Variants in ZNF385B observed in about 807,000 individuals in gnomAD.
ZNF385B encodes the protein zinc finger protein 533.
In ZNF385B, 23 loss-of-function variants were observed where a neutral mutation model predicts 39.2. The observed-to-expected ratio is 0.59, with a 90% confidence interval of 0.42 to 0.83. ZNF385B has a LOEUF of 0.83. Ranked by LOEUF, ZNF385B falls within the 40% of genes least tolerant of loss-of-function variation. The pLI, the probability that ZNF385B is intolerant of heterozygous loss-of-function variation, is 0.00. For synonymous variants in ZNF385B, 205 were observed against 222.6 expected (o/e 0.92, Z 0.70); for missense variants, 552 against 598.9 (o/e 0.92, Z 0.82).
chr2:179,541,133 T>A (rs1354822123), intron 4 of ZNF385B, among the ~76,000 whole-genome samples: 2 of 152,224 alleles, frequency 1.3e-5, no homozygotes, highest in East Asian at 1.9e-4. Flanking sequence ...TACTCCATCA[T>A]AAATCATCAA....
chr2:179,846,980 A>G (rs1268373352), intron 1 of ZNF385B, among the ~76,000 whole-genome samples: 11 of 152,372 alleles, frequency 7.2e-5, no homozygotes, highest in South Asian at 6.2e-4. Context: ...GCTCTTACCA[A>G]ATTCAAAGAG....
At chr2:179,486,282 T>C (rs1259009753) in intron 5 of ZNF385B, among the ~76,000 whole-genome samples, 2 of 152,204 alleles carry the variant, frequency 1.3e-5, no homozygotes, top group African/African-American at 4.8e-5. Flanking sequence ...ATAGGCATTA[T>C]TGGCCAGCAC....
chr2:179,644,154 A>T (rs1197527844), intron 3 of ZNF385B, among the ~76,000 whole-genome samples: 2 of 152,108 alleles, frequency 1.3e-5, no homozygotes, highest in African/African-American at 4.8e-5. Flanking sequence ...GCTTCTAACT[A>T]CTATATAGGA....
At chr2:179,857,416 TGCTGGAGCAAAA>T (rs1684690831) in intron 1 of ZNF385B, among the ~76,000 whole-genome samples, 1 of 152,220 alleles carries the variant, frequency 6.6e-6, no homozygotes, top group Non-Finnish European at 1.5e-5. Flanking sequence ...TAACAGAGTT[TGCTGGAGCAAAA>T]GCTGGAGTGC....
intron 3 of ZNF385B, among the ~76,000 whole-genome samples, chr2:179,563,886 C>A (rs1241282560): frequency 6.6e-6 from 1 of 152,092 alleles, no homozygotes; most frequent in African/African-American, 2.4e-5. Flanking sequence ...AAATATTTTT[C>A]TTTCATGAAG....
chr2:179,508,336 T>C (rs935434372), intron 5 of ZNF385B, among the ~76,000 whole-genome samples: 1 of 152,316 alleles, frequency 6.6e-6, no homozygotes, highest in East Asian at 1.9e-4. Context: ...AAACCACAAA[T>C]ATATAATGAA....
At chr2:179,706,492 G>A (rs992714177) in intron 3 of ZNF385B, among the ~76,000 whole-genome samples, 5 of 152,206 alleles carry the variant, frequency 3.3e-5, no homozygotes, top group East Asian at 1.9e-4. Context: ...TGGGATTGGG[G>A]AAGGGGAAAT....
intron 4 of ZNF385B, among the ~76,000 whole-genome samples, chr2:179,534,293 T>TA (rs1351636124): frequency 3.3e-5 from 5 of 152,244 alleles, no homozygotes; most frequent in Middle Eastern, 3.4e-3. Context: ...TTATTTGAGG[T>TA]AATTAGGAAA....
At chr2:179,630,088 A>T (rs1053430956) in intron 3 of ZNF385B, among the ~76,000 whole-genome samples, 3 of 152,270 alleles carry the variant, frequency 2.0e-5, no homozygotes, top group African/African-American at 7.2e-5. Context: ...CGGGCAGGGC[A>T]TGGCTGAACA....
chr2:179,811,388 A>G (rs1169615136), intron 1 of ZNF385B, among the ~76,000 whole-genome samples: 1 of 152,190 alleles, frequency 6.6e-6, no homozygotes, highest in African/African-American at 2.4e-5. Context: ...TAGATATTGC[A>G]TTACCTGACT....
chr2:179,710,688 C>T (rs1699936721), intron 3 of ZNF385B, among the ~76,000 whole-genome samples: 1 of 152,178 alleles, frequency 6.6e-6, no homozygotes, highest in Admixed American at 6.5e-5. Context: ...ATGGCCATGA[C>T]TTGCCCTTTC....
intron 3 of ZNF385B, among the ~76,000 whole-genome samples, chr2:179,685,701 A>AAT (rs1697870893): frequency 6.6e-6 from 1 of 151,660 alleles, no homozygotes; most frequent in East Asian, 1.9e-4. Flanking sequence ...GTGCTAAAAA[A>AAT]AAAAATAAAA....
intron 5 of ZNF385B, among the ~76,000 whole-genome samples, chr2:179,504,292 T>C (rs1454909381): frequency 6.6e-6 from 1 of 151,900 alleles, no homozygotes; most frequent in East Asian, 1.9e-4. Flanking sequence ...GACATTTGGG[T>C]TGGTTCCAAG....
chr2:179,687,388 T>G (rs1295650523), intron 3 of ZNF385B, among the ~76,000 whole-genome samples: 2 of 152,096 alleles, frequency 1.3e-5, no homozygotes, highest in Non-Finnish European at 1.5e-5. Context: ...TATTTCTGAT[T>G]CTCTTCATTC....
At chr2:179,741,304 AT>A (rs1262524129) in intron 3 of ZNF385B, among the ~76,000 whole-genome samples, 2 of 151,932 alleles carry the variant, frequency 1.3e-5, no homozygotes, top group African/African-American at 2.4e-5. Flanking sequence ...CACTTCTGTG[AT>A]TTTTTTTCTC....
intron 3 of ZNF385B, among the ~76,000 whole-genome samples, chr2:179,658,999 A>G (rs1047185577): frequency 6.0e-5 from 9 of 150,944 alleles, no homozygotes; most frequent in Non-Finnish European, 1.2e-4. Context: ...CTGGTCTTGA[A>G]CTCCTGACCT....
chr2:179,444,775 A>G, intron 9 of ZNF385B, 101 bp downstream of exon 9: 1 of 989,208 alleles, frequency 1.0e-6, no homozygotes, highest in Non-Finnish European at 1.6e-6. Context: ...TAAATTTGAA[A>G]CCTTTCATGA....
At chr2:179,595,113 G>A (rs1310551687) in intron 3 of ZNF385B, among the ~76,000 whole-genome samples, 2 of 151,880 alleles carry the variant, frequency 1.3e-5, no homozygotes, top group Admixed American at 6.6e-5. Flanking sequence ...CACCCAATAG[G>A]AAATTTATAG....
At chr2:179,594,742 A>G (rs1687853258) in intron 3 of ZNF385B, among the ~76,000 whole-genome samples, 1 of 152,068 alleles carries the variant, frequency 6.6e-6, no homozygotes, top group Non-Finnish European at 1.5e-5. Context: ...CAGGACAACA[A>G]TATCTTATTC....
Sources: gnomAD v4.1 joint callset for allele counts (sites outside exome capture counted in the v4.1 genomes callset) on GRCh38, gnomAD v4.1.1 for gene constraint, MANE v1.5 for transcripts, NCBI Gene and HGNC (gene_info 2026-07-23, HGNC 2026-07-21) for gene names.